RASAL2: variants seen among roughly 807,000 people sequenced by gnomAD.
RASAL2 encodes RAS protein activator like 2, also known as ras GTPase-activating protein nGAP.
Under a neutral mutation model 128.9 loss-of-function variants are expected in RASAL2, and 58 were observed. That is an observed-to-expected ratio of 0.45 (90% CI 0.36 to 0.56). The LOEUF is 0.56. RASAL2 is among the 20% of genes least tolerant of loss of function. RASAL2 has a pLI of 0.00. For missense variants in RASAL2, 1,360 were observed against 1,601.6 expected (o/e 0.85, Z 2.57); for synonymous variants, 561 against 580.8 (o/e 0.97, Z 0.49).
At chr1:178,265,672 G>GTA (rs918951701) in intron 1 of RASAL2, among the ~76,000 whole-genome samples, 3 of 152,154 alleles carry the variant, frequency 2.0e-5, no homozygotes, top group Non-Finnish European at 2.9e-5. Context: ...ATAGCTTGAT[G>GTA]TATGGCTTGA....
chr1:178,194,583 T>TTTTTG (rs566377421), intron 1 of RASAL2: 1 of 154,244 alleles, frequency 6.5e-6, no homozygotes, highest in Admixed American at 6.5e-5. Flanking sequence ...TCTTTTTGTT[T>TTTTTG]TTTTGTTTTG....
intron 3 of RASAL2, among the ~76,000 whole-genome samples, chr1:178,318,480 T>A (rs1668593980): frequency 6.6e-6 from 1 of 151,416 alleles, no homozygotes; most frequent in South Asian, 2.1e-4. Context: ...GGTGCTCCCG[T>A]ATTGGGTGCA....
intron 3 of RASAL2, among the ~76,000 whole-genome samples, chr1:178,320,492 G>T (rs987059852): frequency 1.3e-5 from 2 of 152,094 alleles, no homozygotes; most frequent in East Asian, 3.9e-4. Context: ...ATATAGTCTC[G>T]TGGTGCGCCG....
At chr1:178,365,125 A>G (rs1022030627) in intron 3 of RASAL2, among the ~76,000 whole-genome samples, 2 of 151,862 alleles carry the variant, frequency 1.3e-5, no homozygotes, top group Non-Finnish European at 2.9e-5. Flanking sequence ...ACTTCTATGT[A>G]TATATTAAAT....
intron 3 of RASAL2, among the ~76,000 whole-genome samples, chr1:178,388,742 C>A (rs545252217): frequency 3.7e-4 from 56 of 152,334 alleles, no homozygotes; most frequent in African/African-American, 1.3e-3. Context: ...ATTACTGGAT[C>A]TGTGTAAAAT....
At chr1:178,167,975 GTTC>G (rs939972332) in intron 1 of RASAL2, among the ~76,000 whole-genome samples, 26 of 151,990 alleles carry the variant, frequency 1.7e-4, no homozygotes, top group African/African-American at 5.6e-4. Context: ...AAAAATAACA[GTTC>G]TTCTTGGATT....
At chr1:178,310,026 C>T (rs1200438523) in intron 3 of RASAL2, among the ~76,000 whole-genome samples, 1 of 151,992 alleles carries the variant, frequency 6.6e-6, no homozygotes, top group South Asian at 2.1e-4. Flanking sequence ...AGTAGAGTTT[C>T]CTTTGTTCAT....
At chr1:178,472,170 T>C (rs1277402419) in intron 17 of RASAL2, among the ~76,000 whole-genome samples, 1 of 152,232 alleles carries the variant, frequency 6.6e-6, no homozygotes, top group Non-Finnish European at 1.5e-5. Context: ...AATGTTTTGA[T>C]AAAATGATTT....
chr1:178,224,463 T>G (rs1182683812), intron 1 of RASAL2, among the ~76,000 whole-genome samples: 2 of 152,278 alleles, frequency 1.3e-5, no homozygotes, highest in Admixed American at 1.3e-4. Flanking sequence ...AAGTGTTTCA[T>G]TGGGAAGCAT....
chr1:178,317,884 T>A (rs997967418), intron 3 of RASAL2, among the ~76,000 whole-genome samples: 9 of 151,880 alleles, frequency 5.9e-5, no homozygotes, highest in African/African-American at 2.2e-4. Context: ...ATTGTGATGT[T>A]AGGGTGTCAA....
At chr1:178,110,641 T>TAC (rs1659280854) in intron 1 of RASAL2, among the ~76,000 whole-genome samples, 1 of 39,380 alleles carries the variant, frequency 2.5e-5, no homozygotes, top group Non-Finnish European at 5.9e-5. Context: ...TGTATACATA[T>TAC]ATATATATAT....
intron 3 of RASAL2, among the ~76,000 whole-genome samples, chr1:178,350,434 A>G (rs1670402520): frequency 6.6e-6 from 1 of 152,134 alleles, no homozygotes; most frequent in Admixed American, 6.6e-5. Context: ...GGGTTTCGCC[A>G]TGATGCTCAT....
At chr1:178,436,457 T>C (rs1676258637) in intron 5 of RASAL2, among the ~76,000 whole-genome samples, 1 of 152,082 alleles carries the variant, frequency 6.6e-6, no homozygotes, top group South Asian at 2.1e-4. Flanking sequence ...AGTATCAAAA[T>C]GAAACTTGTT....
chr1:178,334,932 G>A (rs905949968), intron 3 of RASAL2, among the ~76,000 whole-genome samples: 1 of 151,882 alleles, frequency 6.6e-6, no homozygotes, highest in Non-Finnish European at 1.5e-5. Context: ...ACTACAGTGT[G>A]GTGACAGAGT....
chr1:178,272,973 A>T (rs1430056245), intron 1 of RASAL2, among the ~76,000 whole-genome samples: 1 of 152,092 alleles, frequency 6.6e-6, no homozygotes, highest in Non-Finnish European at 1.5e-5. Flanking sequence ...ACGACTTGGA[A>T]TTTTTTTAAC....
At chr1:178,359,275 G>A (rs1203363739) in intron 3 of RASAL2, among the ~76,000 whole-genome samples, 3 of 151,998 alleles carry the variant, frequency 2.0e-5, no homozygotes, top group Non-Finnish European at 4.4e-5. Flanking sequence ...ACAGGATTTT[G>A]TCAGTTGCCT....
At chr1:178,145,377 G>A (rs1400298156) in intron 1 of RASAL2, among the ~76,000 whole-genome samples, 1 of 151,934 alleles carries the variant, frequency 6.6e-6, no homozygotes, top group African/African-American at 2.4e-5. Context: ...AAAAATAAGG[G>A]CTTTTAAGGA....
intron 1 of RASAL2, among the ~76,000 whole-genome samples, chr1:178,278,404 T>C (rs1445125006): frequency 6.6e-6 from 1 of 152,186 alleles, no homozygotes; most frequent in African/African-American, 2.4e-5. Flanking sequence ...GCCTATAGCC[T>C]GAAAAATCAG....
chr1:178,445,264 A>G (rs1007085461), intron 8 of RASAL2, among the ~76,000 whole-genome samples: 2 of 152,176 alleles, frequency 1.3e-5, no homozygotes, highest in Non-Finnish European at 2.9e-5. Context: ...GAAACCAGAA[A>G]ATATAGGGAC....
Sources: allele counts gnomAD v4.1 joint callset (sites outside exome capture counted in the v4.1 genomes callset), GRCh38; gene constraint gnomAD v4.1.1; transcripts MANE v1.5; gene names NCBI Gene and HGNC (gene_info 2026-07-23, HGNC 2026-07-21).